GATB: variants seen among roughly 807,000 people sequenced by gnomAD.
GATB encodes the protein glutamyl-tRNA amidotransferase subunit B.
GATB carries 39 observed loss-of-function variants against 62.3 expected under a neutral mutation model. The ratio of observed to expected loss-of-function variants is 0.63; its 90% CI spans 0.48 to 0.82. The LOEUF (loss-of-function observed/expected upper bound fraction) is 0.82, where lower values mean the gene tolerates loss of function less well. Among genes scored for constraint, GATB ranks in the 40% least tolerant of loss-of-function variants. The pLI is 0.00. For missense variants in GATB, 670 were observed against 684.0 expected (o/e 0.98, Z 0.23); for synonymous variants, 276 against 258.9 (o/e 1.07, Z -0.63).
intron 2 of GATB, among the ~76,000 whole-genome samples, chr4:151,748,403 A>G (rs183982350): frequency 1.6e-4 from 25 of 152,328 alleles, no homozygotes; most frequent in African/African-American, 5.3e-4. Flanking sequence ...CAAAAACAAG[A>G]AATCGGGAAA....
chr4:151,757,847 C>T (rs369986691), intron 2 of GATB, among the ~76,000 whole-genome samples: 1 of 152,136 alleles, frequency 6.6e-6, no homozygotes, highest in Non-Finnish European at 1.5e-5. Context: ...CTGCCTCTCC[C>T]CACCTTTGTC....
At chr4:151,699,085 A>G (rs990176328) in intron 9 of GATB, among the ~76,000 whole-genome samples, 2 of 152,132 alleles carry the variant, frequency 1.3e-5, no homozygotes, top group Non-Finnish European at 1.5e-5. Context: ...TATACAGAAG[A>G]TGCTAATAAA....
intron 10 of GATB, among the ~76,000 whole-genome samples, chr4:151,684,018 A>G (rs1105535): frequency 0.56 from 85,607 of 152,140 alleles, 25,422 homozygotes; most frequent in African/African-American, 0.77. Flanking sequence ...TGCATTCCCA[A>G]CACCACCACT....
In GATB at chr4:151,701,418, G is replaced by A. The variant is rs149224015; in HGVS notation, c.1108C>T (p.Arg370Trp). 12 of 1,605,602 alleles carry A rather than the reference G, an allele frequency of 7.5e-6. No homozygotes were observed. Among genetic ancestry groups the A allele is most frequent in the Non-Finnish European group, 8.5e-6 (10 of 1,175,910 alleles). The change falls in exon 9 of 13, where the codon CGG (arginine) becomes TGG (tryptophan). Residue 370 changes from arginine to tryptophan, a missense_variant. Arg to Trp is a moderately radical substitution (Grantham distance 101). Coordinates refer to ENST00000263985, the MANE Select transcript of GATB (RefSeq NM_004564.3). ...CTGGGGAGCTCCGGGAGTGTCTCCC[G>A]AATCTGGTCAATATTGATCACTTGC... ...PQQVINIDQI[R>W]ETLPELPSVT...
chr4:151,682,133 A>C (rs959511612), intron 10 of GATB, among the ~76,000 whole-genome samples: 2 of 152,212 alleles, frequency 1.3e-5, no homozygotes, highest in African/African-American at 4.8e-5. Context: ...GTTGGGTCAT[A>C]AATTTAGACT....
At chr4:151,678,639 C>T (rs1179739577) in intron 11 of GATB, among the ~76,000 whole-genome samples, 1 of 151,910 alleles carries the variant, frequency 6.6e-6, no homozygotes, top group African/African-American at 2.4e-5. Flanking sequence ...TTTTATTAGT[C>T]CCGTCTCCAG....
chr4:151,733,509 G>C (rs1578930891), intron 2 of GATB, among the ~76,000 whole-genome samples: 1 of 152,158 alleles, frequency 6.6e-6, no homozygotes, highest in African/African-American at 2.4e-5. Context: ...TCCAGGACCA[G>C]ACAATTCACT....
intron 7 of GATB, among the ~76,000 whole-genome samples, chr4:151,704,205 A>C (rs1738663340): frequency 6.6e-6 from 1 of 152,156 alleles, no homozygotes; most frequent in African/African-American, 2.4e-5. Flanking sequence ...CTGAGTGAGA[A>C]AATTAAGGCC....
At chr4:151,747,961 G>A (rs1739635593) in intron 2 of GATB, among the ~76,000 whole-genome samples, 1 of 152,174 alleles carries the variant, frequency 6.6e-6, no homozygotes, top group South Asian at 2.1e-4. Flanking sequence ...ATCAAGGGAT[G>A]TGAAGGACCT....
chr4:151,676,174 A>G (rs1421234094), intron 11 of GATB: 1 of 152,244 alleles, frequency 6.6e-6, no homozygotes, highest in Non-Finnish European at 1.5e-5. Flanking sequence ...AACTGTGCAG[A>G]TAACTGAAGC....
chr4:151,743,660 G>A (rs187562620), intron 2 of GATB, among the ~76,000 whole-genome samples: 1 of 152,332 alleles, frequency 6.6e-6, no homozygotes, highest in East Asian at 1.9e-4. Context: ...TTAAGAAATT[G>A]TGTGACCATG....
chr4:151,700,166 G>A (rs1304302302), intron 9 of GATB, among the ~76,000 whole-genome samples: 1 of 152,228 alleles, frequency 6.6e-6, no homozygotes, highest in East Asian at 1.9e-4. Context: ...ACGGAATGCT[G>A]ACTGACTCAG....
Position 151,671,187 on chromosome 4 carries a change from T to A in GATB, c.1661A>T (p.Lys554Met). 1 of 1,614,188 alleles carries A rather than the reference T, an allele frequency of 6.2e-7. No individual in the cohort carries two copies. The highest frequency in any genetic ancestry group is 8.5e-7 in the Non-Finnish European group (1 of 1,180,028). ...PVMIKEILEKKLSL is the reference protein window; with the variant it reads ...PVMIKEILEKMLSL ...ATCCCAAACATCTCACAATGACAGC[T>A]TCTTCTCCAGGATCTCCTTTATCAT... The change falls in exon 13 of 13, where the codon AAG (lysine) becomes ATG (methionine). Residue 554 changes from lysine (K) to methionine (M), a missense_variant. Coordinates refer to ENST00000263985, the MANE Select transcript of GATB (RefSeq NM_004564.3).
chr4:151,691,200 A>G (rs1055656259), intron 9 of GATB, among the ~76,000 whole-genome samples: 1 of 152,158 alleles, frequency 6.6e-6, no homozygotes, highest in African/African-American at 2.4e-5. Flanking sequence ...GGGAACCTTT[A>G]ATGTCCTCCT....
At chr4:151,708,637 T>TC (rs36046296) in intron 5 of GATB, among the ~76,000 whole-genome samples, 1 of 152,158 alleles carries the variant, frequency 6.6e-6, no homozygotes, top group Non-Finnish European at 1.5e-5. Flanking sequence ...ATCTGGGCTT[T>TC]CCCCCCTCCT....
chr4:151,694,315 C>A (rs1738426788), intron 9 of GATB, among the ~76,000 whole-genome samples: 1 of 152,202 alleles, frequency 6.6e-6, no homozygotes, highest in Non-Finnish European at 1.5e-5. Context: ...CAGGACTTTA[C>A]TCCTCCCTGC....
At chr4:151,717,249 T>C (rs1449803659) in intron 3 of GATB, 175 bp from the exon 4 acceptor site, 2 of 613,166 alleles carry the variant, frequency 3.3e-6, no homozygotes, top group Admixed American at 5.8e-5. Flanking sequence ...TCATTGAGCC[T>C]GGTCTCTTCT....
At chr4:151,708,189 C>T in intron 5 of GATB, 88 bp from the exon 6 acceptor site, 1 of 814,124 alleles carries the variant, frequency 1.2e-6, no homozygotes. Flanking sequence ...GAAGCAGCAT[C>T]TAACTCTACC....
At chr4:151,674,426 G>GACTTAAATTTTAAAA (rs1405895141) in intron 11 of GATB, 1 of 152,042 alleles carries the variant, frequency 6.6e-6, no homozygotes, top group East Asian at 1.9e-4. Context: ...TTTGAACTAG[G>GACTTAAATTTTAAAA]ACTTAAATTT....
Sources: allele counts gnomAD v4.1 joint callset (sites outside exome capture counted in the v4.1 genomes callset), GRCh38; gene constraint gnomAD v4.1.1; transcripts MANE v1.5; gene names NCBI Gene and HGNC (gene_info 2026-07-23, HGNC 2026-07-21).